LMO7: variants seen among roughly 807,000 people sequenced by gnomAD.
LMO7 encodes the protein LIM domain only protein 7.
LMO7 carries 120 observed loss-of-function variants against 206.5 expected under a neutral mutation model. The observed-to-expected ratio is 0.58, with a 90% confidence interval of 0.50 to 0.68. The LOEUF (loss-of-function observed/expected upper bound fraction) is 0.68. Among genes scored for constraint, LMO7 ranks in the 30% least tolerant of loss-of-function variants. LMO7 has a pLI of 0.00. For synonymous variants in LMO7, 706 were observed against 681.5 expected, an observed-to-expected ratio of 1.04 and a Z score of -0.56; for missense variants, 1,959 against 1,957.9, an observed-to-expected ratio of 1.00 and a Z score of -0.01.
intron 1 of LMO7, among the ~76,000 whole-genome samples, chr13:75,656,607 G>A (rs760038935): frequency 1.3e-5 from 2 of 152,080 alleles, no homozygotes; most frequent in Non-Finnish European, 2.9e-5. Context: ...GGTTTCTGGG[G>A]TGCCATGTTT....
chr13:75,660,981 C>T (rs2038536986), intron 1 of LMO7, among the ~76,000 whole-genome samples: 1 of 152,156 alleles, frequency 6.6e-6, no homozygotes, highest in South Asian at 2.1e-4. Context: ...TGCAAGACCA[C>T]AGACATTTTG....
intron 4 of LMO7, among the ~76,000 whole-genome samples, chr13:75,791,423 T>C (rs1566468305): frequency 6.6e-6 from 1 of 152,226 alleles, no homozygotes; most frequent in Non-Finnish European, 1.5e-5. Context: ...TATTGTCTCC[T>C]GAGCTTTTAT....
chr13:75,713,304 G>C (rs1253754951), intron 2 of LMO7, 52 bp downstream of exon 2: 1 of 1,358,752 alleles, frequency 7.4e-7, no homozygotes. Flanking sequence ...ATATGTGTGT[G>C]TGTGAGTGAT....
intron 1 of LMO7, among the ~76,000 whole-genome samples, chr13:75,681,718 G>GTATGTATATATATATATATATATATA (rs1555293391): frequency 9.6e-6 from 1 of 104,580 alleles, no homozygotes; most frequent in Non-Finnish European, 1.9e-5. Context: ...ATATATATAT[G>GTATGTATATATATATATATATATATA]TATATATATA....
At position 75,731,536 on chromosome 13, in the gene LMO7, A is replaced by G. The variant is rs924421679; in HGVS notation, c.210+4438A>G. Among the ~76,000 whole-genome samples the G allele has an allele frequency of 5.3e-5, 8 of 152,006 alleles. No individual in the cohort carries two copies. In the East Asian group the frequency reaches 1.5e-3, roughly 29 times the overall value. On this transcript the variant is annotated intron_variant, in intron 3 of 30. Transcript: ENST00000377534. ...GCCTATGTGTGTCTCTGCATGTGAG[A>G]TGGGTTTCCTGAATACAGCACACTG... is the stretch of plus-strand genomic sequence containing the variant.
chr13:75,779,556 C>T (rs2051004799), intron 4 of LMO7, among the ~76,000 whole-genome samples: 1 of 152,146 alleles, frequency 6.6e-6, no homozygotes, highest in South Asian at 2.1e-4. Flanking sequence ...CCTGTCACTT[C>T]TTTCTCAATG....
chr13:75,821,461 G>A lies in LMO7; in HGVS notation c.2492G>A (p.Arg831Gln), dbSNP rs940108970. ...GCCTCTTTGTCTTCTCTGCGTTCAC[G>A]GAGCACACAAATGGAATCAACTCGT... ...SPASLSSLRS[R>Q]STQMESTRVS... Residue 831 changes from arginine (R) to glutamine (Q), a missense_variant, in exon 14 of 31, where the codon CGG becomes CAG. Transcript: ENST00000377534. 2.4e-5 allele frequency: 38 copies of A among 1,613,962 alleles called. No homozygotes were observed. The highest frequency in any genetic ancestry group is 2.7e-5 in the Non-Finnish European group (32 of 1,180,006).
chr13:75,653,216 C>T (rs1418926552), intron 1 of LMO7, among the ~76,000 whole-genome samples: 1 of 152,194 alleles, frequency 6.6e-6, no homozygotes, highest in Non-Finnish European at 1.5e-5. Context: ...CATTGAATAT[C>T]TAAGTTCCAG....
chr13:75,771,906 C>CAGAATTGCCCAG (rs6145128), intron 4 of LMO7, among the ~76,000 whole-genome samples: 3 of 151,980 alleles, frequency 2.0e-5, no homozygotes, highest in African/African-American at 7.2e-5. Flanking sequence ...ACTTCAGTAG[C>CAGAATTGCCCAG]AATCCTGCTA....
rs541422826 is a variant in LMO7, at chr13:75,799,829, C to T, written c.463-855C>T. Among the ~76,000 whole-genome samples the T allele has an allele frequency of 5.2e-4, 79 of 152,286 alleles. 1 individual carries two copies. The highest frequency in any genetic ancestry group is 1.8e-3 in the African/African-American group (75 of 41,566). On this transcript the variant is annotated intron_variant, in intron 6 of 30. Transcript: ENST00000377534. ...CCATGGGCTTTGTAAATTTTACTCA[C>T]ATCCTAATGTTTAAAAAGCCAGGTT...
At chr13:75,790,345 G>A (rs1174103105) in intron 4 of LMO7, among the ~76,000 whole-genome samples, 1 of 152,148 alleles carries the variant, frequency 6.6e-6, no homozygotes, top group African/African-American at 2.4e-5. Context: ...AGCCCAGTGA[G>A]GCTGGTACTG....
chr13:75,710,751 C>A (rs1181489266), intron 1 of LMO7, among the ~76,000 whole-genome samples: 2 of 152,020 alleles, frequency 1.3e-5, no homozygotes, highest in Non-Finnish European at 2.9e-5. Flanking sequence ...CAAACAGGGA[C>A]AATTTGACTT....
chr13:75,684,102 T>G (rs570547247), intron 1 of LMO7, among the ~76,000 whole-genome samples: 35 of 152,092 alleles, frequency 2.3e-4, no homozygotes, highest in Non-Finnish European at 4.4e-4. Context: ...CCTGAACTCG[T>G]TTTTCAGGTT....
intron 8 of LMO7, chr13:75,805,100 A>C: frequency 2.0e-6 from 2 of 1,022,434 alleles, no homozygotes; most frequent in Non-Finnish European, 2.3e-6. Flanking sequence ...CTTGTCCGCA[A>C]ATATTTTCTC....
intron 6 of LMO7, among the ~76,000 whole-genome samples, chr13:75,800,174 T>G (rs1445291258): frequency 6.6e-6 from 1 of 152,208 alleles, no homozygotes; most frequent in East Asian, 1.9e-4. Context: ...GGGGGAGAGT[T>G]AACTAACTTC....
intron 15 of LMO7, among the ~76,000 whole-genome samples, chr13:75,829,570 C>G (rs2058453151): frequency 6.6e-6 from 1 of 152,136 alleles, no homozygotes; most frequent in African/African-American, 2.4e-5. Flanking sequence ...CTCTGATATT[C>G]CTGATTTTAC....
chr13:75,776,112 T>TATACAC (rs1491138251), intron 4 of LMO7, among the ~76,000 whole-genome samples: 2 of 77,272 alleles, frequency 2.6e-5, no homozygotes, highest in African/African-American at 7.9e-5. Flanking sequence ...TATATATATA[T>TATACAC]ACATACATAC....
At chr13:75,724,830 C>T (rs1379414826) in intron 2 of LMO7, among the ~76,000 whole-genome samples, 1 of 152,076 alleles carries the variant, frequency 6.6e-6, no homozygotes, top group Non-Finnish European at 1.5e-5. Context: ...TGACTACTAA[C>T]AAAATAAAAC....
intron 1 of LMO7, among the ~76,000 whole-genome samples, chr13:75,703,452 A>G (rs778472843): frequency 1.2e-4 from 18 of 152,172 alleles, no homozygotes; most frequent in Non-Finnish European, 2.4e-4. Flanking sequence ...GCGCTGATAT[A>G]TAGAGAACTA....
Sources: gnomAD v4.1 joint callset for allele counts (sites outside exome capture counted in the v4.1 genomes callset) on GRCh38, gnomAD v4.1.1 for gene constraint, MANE v1.5 for transcripts, NCBI Gene and HGNC (gene_info 2026-07-23, HGNC 2026-07-21) for gene names.